The following GPM6A variants were observed in gnomAD, a reference collection of about 807,000 sequenced individuals.
GPM6A encodes the protein neuronal membrane glycoprotein M6-a.
A neutral mutation model predicts 32.1 loss-of-function variants in GPM6A; 7 were observed. The observed-to-expected ratio is 0.22, with a 90% confidence interval of 0.12 to 0.41. GPM6A has a LOEUF of 0.41. Ranked by LOEUF, GPM6A falls within the 10% of genes least tolerant of loss-of-function variation. GPM6A has a pLI of 1.00. For missense variants in GPM6A, 235 were observed against 347.2 expected (o/e 0.68, Z 2.57); for synonymous variants, 130 against 123.4 (o/e 1.05, Z -0.35).
chr4:175,904,459 C>T (rs1366830667), intron 1 of GPM6A, among the ~76,000 whole-genome samples: 1 of 152,128 alleles, frequency 6.6e-6, no homozygotes, highest in East Asian at 1.9e-4. Flanking sequence ...TATATATACA[C>T]ACACATACAT....
intron 1 of GPM6A, among the ~76,000 whole-genome samples, chr4:175,726,050 T>G (rs1746390318): frequency 6.8e-6 from 1 of 146,398 alleles, no homozygotes; most frequent in South Asian, 2.2e-4. Context: ...TGGAGTGCAG[T>G]GGCGCGATCT....
intron 1 of GPM6A, among the ~76,000 whole-genome samples, chr4:175,706,230 G>T (rs1260267103): frequency 6.6e-6 from 1 of 151,856 alleles, no homozygotes; most frequent in East Asian, 1.9e-4. Flanking sequence ...AATAGAAAAA[G>T]AAAATAGAAG....
chr4:175,824,811 G>C (rs1735383649), intron 1 of GPM6A, among the ~76,000 whole-genome samples: 1 of 151,812 alleles, frequency 6.6e-6, no homozygotes, highest in Non-Finnish European at 1.5e-5. Context: ...TATTTTACAG[G>C]GTATAAGTCT....
chr4:175,682,377 G>T (rs183158240), intron 2 of GPM6A, among the ~76,000 whole-genome samples: 1 of 152,098 alleles, frequency 6.6e-6, no homozygotes, highest in East Asian at 1.9e-4. Context: ...GCCTGACCAT[G>T]TGGCAAGAGG....
At chr4:175,914,739 A>AG (rs143300461) in intron 1 of GPM6A, among the ~76,000 whole-genome samples, 25,805 of 152,152 alleles carry the variant, frequency 0.17, 2,402 homozygotes, top group African/African-American at 0.25. Flanking sequence ...TGTCAGAGCG[A>AG]GGGGGGGCCA....
chr4:175,920,419 T>C (rs1005473529), intron 1 of GPM6A, among the ~76,000 whole-genome samples: 1 of 152,220 alleles, frequency 6.6e-6, no homozygotes, highest in Non-Finnish European at 1.5e-5. Flanking sequence ...GTTCCATGCA[T>C]ACAGCAAGCA....
Position 175,929,351 on chromosome 4 carries a change from G to A in GPM6A, c.-23+72958C>T, listed in dbSNP as rs904448703. 5.9e-5 allele frequency among the ~76,000 whole-genome samples: 9 copies of A among 152,232 alleles called. No homozygotes were observed. The South Asian group carries it at 1.2e-3, about 21-fold the overall frequency. ...GAAACCTCATTAGTTCATGCTCAAC[G>A]CCAGGAGTACTTTGTACTTTGGAAG... On this transcript the variant is annotated intron_variant, in intron 1 of 7. Transcript: ENST00000280187.
intron 1 of GPM6A, among the ~76,000 whole-genome samples, chr4:175,845,626 T>C (rs1212854262): frequency 2.0e-5 from 3 of 152,228 alleles, no homozygotes; most frequent in Non-Finnish European, 4.4e-5. Context: ...AGTTCAGATT[T>C]ATCTTTCCCC....
intron 1 of GPM6A, among the ~76,000 whole-genome samples, chr4:175,912,028 G>A (rs1331335519): frequency 6.6e-6 from 1 of 152,108 alleles, no homozygotes; most frequent in African/African-American, 2.4e-5. Context: ...AGCTAAACAA[G>A]TAGATGATAC....
intron 1 of GPM6A, among the ~76,000 whole-genome samples, chr4:175,839,111 T>C (rs1735863002): frequency 6.6e-6 from 1 of 152,224 alleles, no homozygotes; most frequent in African/African-American, 2.4e-5. Flanking sequence ...AAGTAAGCAT[T>C]AATAGCCTAT....
At chr4:175,725,171 T>G (rs2111125801) in intron 1 of GPM6A, among the ~76,000 whole-genome samples, 1 of 152,238 alleles carries the variant, frequency 6.6e-6, no homozygotes, top group South Asian at 2.1e-4. Flanking sequence ...AGTGATAAAA[T>G]ACATGTATAG....
At chr4:175,793,713 A>G (rs1040656183) in intron 1 of GPM6A, among the ~76,000 whole-genome samples, 1 of 152,128 alleles carries the variant, frequency 6.6e-6, no homozygotes, top group South Asian at 2.1e-4. Context: ...GACACTACTT[A>G]TACTTTTTAC....
At chr4:175,636,981 AAT>A (rs975944131) in intron 6 of GPM6A, among the ~76,000 whole-genome samples, 7 of 98,756 alleles carry the variant, frequency 7.1e-5, no homozygotes, top group South Asian at 3.1e-4. Flanking sequence ...TATATATGTA[AAT>A]ATATATAAGA....
intron 1 of GPM6A, among the ~76,000 whole-genome samples, chr4:175,772,435 C>A (rs1278525555): frequency 6.6e-6 from 1 of 152,190 alleles, no homozygotes; most frequent in African/African-American, 2.4e-5. Flanking sequence ...ACAAAGAGCT[C>A]TGTCGCATCC....
chr4:175,869,882 G>A (rs1736853005), intron 1 of GPM6A, among the ~76,000 whole-genome samples: 1 of 152,106 alleles, frequency 6.6e-6, no homozygotes, highest in Non-Finnish European at 1.5e-5. Context: ...CCAAGTCTAT[G>A]ATGCAAGTAC....
At chr4:175,645,189 G>T (rs1741384862) in intron 4 of GPM6A, among the ~76,000 whole-genome samples, 1 of 152,144 alleles carries the variant, frequency 6.6e-6, no homozygotes, top group African/African-American at 2.4e-5. Flanking sequence ...AGGACTTGAT[G>T]CATGAAAGTT....
At chr4:175,637,267 TTATATATTATATATTATATAAAA>T (rs1740725203) in intron 6 of GPM6A, among the ~76,000 whole-genome samples, 1 of 52,160 alleles carries the variant, frequency 1.9e-5, no homozygotes, top group Admixed American at 3.5e-4. Flanking sequence ...AAAATATATA[TTATATATTATATATTATATAAAA>T]TATATATTAT....
chr4:175,640,614 A>G, intron 5 of GPM6A, 139 bp downstream of exon 5: 1 of 666,194 alleles, frequency 1.5e-6, no homozygotes, highest in Non-Finnish European at 2.6e-6. Flanking sequence ...ACTCCTCCTG[A>G]ATAACACTAC....
chr4:175,890,522 TA>T (rs1737610182), intron 1 of GPM6A, among the ~76,000 whole-genome samples: 1 of 47,164 alleles, frequency 2.1e-5, no homozygotes, highest in Non-Finnish European at 7.1e-5. Context: ...TATTTTATTT[TA>T]TTTTATGTTA....
Sources: allele counts gnomAD v4.1 joint callset (sites outside exome capture counted in the v4.1 genomes callset), GRCh38; gene constraint gnomAD v4.1.1; transcripts MANE v1.5; gene names NCBI Gene and HGNC (gene_info 2026-07-23, HGNC 2026-07-21).